The following PTGES3 variants were observed in gnomAD, a reference collection of about 807,000 sequenced individuals.
PTGES3 encodes the protein Hsp90 co-chaperone.
PTGES3 carries 5 observed loss-of-function variants against 29.9 expected under a neutral mutation model. The observed-to-expected ratio is 0.17, with a 90% CI of 0.09 to 0.35. PTGES3 has a LOEUF of 0.35. Among genes scored for constraint, PTGES3 ranks in the 10% least tolerant of loss-of-function variants. The pLI is 1.00. For missense variants in PTGES3, 128 were observed against 190.0 expected (o/e 0.67, Z 1.92); for synonymous variants, 49 against 57.8 (o/e 0.85, Z 0.69).
intron 5 of PTGES3, among the ~76,000 whole-genome samples, chr12:56,669,501 T>TCC (rs1198849731): frequency 6.6e-6 from 1 of 152,218 alleles, no homozygotes; most frequent in Non-Finnish European, 1.5e-5. Context: ...CAGGCTGGTC[T>TCC]TGAACTCCTG....
intron 5 of PTGES3, among the ~76,000 whole-genome samples, chr12:56,668,626 A>T (rs1285945962): frequency 6.6e-6 from 1 of 152,198 alleles, no homozygotes; most frequent in Admixed American, 6.6e-5. Context: ...TTAAAAAATA[A>T]TATGAATAGA....
At chr12:56,681,401 G>A (rs1210709187) in intron 1 of PTGES3, among the ~76,000 whole-genome samples, 2 of 151,858 alleles carry the variant, frequency 1.3e-5, no homozygotes, top group African/African-American at 4.8e-5. Context: ...AGCCGGATGA[G>A]GTGGCGGGAG....
intron 1 of PTGES3, among the ~76,000 whole-genome samples, chr12:56,685,399 CT>C (rs143526249): frequency 0.015 from 2,018 of 131,094 alleles, 37 homozygotes; most frequent in African/African-American, 0.056. Context: ...TTTTTCTTTT[CT>C]TTTTTTTTTT....
intron 1 of PTGES3, among the ~76,000 whole-genome samples, chr12:56,683,473 C>CAAAAAAAA (rs71081388): frequency 0.048 from 1,425 of 29,724 alleles, 407 homozygotes; most frequent in Non-Finnish European, 0.067. Flanking sequence ...AACTCTGTCT[C>CAAAAAAAA]AAAAAAAAAA....
intron 1 of PTGES3, chr12:56,687,003 G>A (rs1441098942): frequency 1.5e-5 from 1 of 66,544 alleles, no homozygotes; most frequent in African/African-American, 9.3e-5. Context: ...ATAACCTCCC[G>A]TCAAAAAAAA....
rs1211931407 is a variant in PTGES3 at position 56,675,642 on chromosome 12, G to C, written c.3-2577C>G. Reference sequence around the variant, plus strand: ...ACACATTAAAACTACAAACAGGGCCGAGTGCGGTGGCTCACGCCTGTAATC... The same window carrying C: ...ACACATTAAAACTACAAACAGGGCCCAGTGCGGTGGCTCACGCCTGTAATC... On this transcript the variant is annotated intron_variant, in intron 1 of 7. Coordinates refer to ENST00000262033, the MANE Select transcript of PTGES3 (RefSeq NM_006601.7). 3.9e-5 allele frequency among the ~76,000 whole-genome samples: 6 copies of C among 152,050 alleles called. No individual in the cohort carries two copies. The East Asian group carries it at 9.7e-4, about 25-fold the overall frequency.
rs1486201088 is a variant in PTGES3, at chr12:56,664,824, C to A, written c.439-24G>T. ...TCCTGAAAGAGGGAAAATAAAGTTACCGAGCTGATCAAATATTCGTTTGCT... is the reference window on the plus strand; with the variant it reads ...TCCTGAAAGAGGGAAAATAAAGTTAACGAGCTGATCAAATATTCGTTTGCT... On this transcript the variant is annotated intron_variant, in intron 6 of 7. Coordinates refer to ENST00000262033, the MANE Select transcript of PTGES3 (RefSeq NM_006601.7). 2.5e-6 allele frequency: 4 copies of A among 1,592,782 alleles called. No individual in the cohort carries two copies. The South Asian group carries it at 4.5e-5, about 18-fold the overall frequency.
intron 5 of PTGES3, among the ~76,000 whole-genome samples, chr12:56,669,722 G>A (rs977504324): frequency 6.6e-6 from 1 of 151,996 alleles, no homozygotes; most frequent in African/African-American, 2.4e-5. Context: ...AGCAATTCCC[G>A]TTTCAGCCTC....
intron 5 of PTGES3, 35 bp from the exon 6 acceptor site, chr12:56,666,301 T>C: frequency 6.3e-7 from 1 of 1,597,256 alleles, no homozygotes; most frequent in Non-Finnish European, 8.5e-7. Flanking sequence ...TTAAAAATGA[T>C]GTTAAGTTAG....
intron 1 of PTGES3, among the ~76,000 whole-genome samples, chr12:56,680,709 A>C (rs576701841): frequency 6.6e-6 from 1 of 151,224 alleles, no homozygotes; most frequent in Admixed American, 6.6e-5. Flanking sequence ...GAGGGAATAC[A>C]TATGTGTTTA....
intron 1 of PTGES3, among the ~76,000 whole-genome samples, chr12:56,685,621 C>T (rs1952803040): frequency 6.6e-6 from 1 of 151,444 alleles, no homozygotes; most frequent in South Asian, 2.1e-4. Context: ...AGGATGGTCT[C>T]GATCTCCTGA....
intron 1 of PTGES3, among the ~76,000 whole-genome samples, chr12:56,673,645 T>G (rs1480185238): frequency 6.6e-6 from 1 of 151,364 alleles, no homozygotes; most frequent in Non-Finnish European, 1.5e-5. Context: ...ATACAAAAAT[T>G]AGCCAGGCAC....
At position 56,673,892 on chromosome 12, in the gene PTGES3, C is replaced by A. The variant is rs189615797; in HGVS notation, c.3-827G>T. ...CTGAGGCACAAGAATCACTTGAACC[C>A]GGGAGGTGGAGGCTGCGGTGAGCTG... On this transcript the variant is annotated intron_variant, in intron 1 of 7. Transcript: ENST00000262033. Among the ~76,000 whole-genome samples, 54 of 151,722 alleles carry A rather than the reference C, an allele frequency of 3.6e-4. 1 individual carries two copies. The East Asian group carries it at 8.3e-3, about 23-fold the overall frequency.
chr12:56,677,946 G>C (rs1418470640), intron 1 of PTGES3, among the ~76,000 whole-genome samples: 1 of 152,102 alleles, frequency 6.6e-6, no homozygotes, highest in East Asian at 1.9e-4. Context: ...AGGACTAGCA[G>C]GTTTATTCAG....
At chr12:56,684,767 A>C (rs372151336) in intron 1 of PTGES3, among the ~76,000 whole-genome samples, 1 of 152,330 alleles carries the variant, frequency 6.6e-6, no homozygotes, top group African/African-American at 2.4e-5. Context: ...GAAGGTCCTA[A>C]AAATCCCAGC....
At chr12:56,670,145 G>A (rs1314004658) in intron 5 of PTGES3, 130 bp downstream of exon 5, 11 of 620,986 alleles carry the variant, frequency 1.8e-5, no homozygotes, top group Non-Finnish European at 2.9e-5. Context: ...TACTATGACT[G>A]CAAAATGGTC....
At chr12:56,665,155 T>A (rs1951737946) in intron 6 of PTGES3, 1 of 985,102 alleles carries the variant, frequency 1.0e-6, no homozygotes, top group Non-Finnish European at 1.2e-6. Context: ...AGCTGTTGAG[T>A]GAATATTAAG....
intron 1 of PTGES3, among the ~76,000 whole-genome samples, chr12:56,679,075 C>G (rs1952402398): frequency 6.6e-6 from 1 of 152,064 alleles, no homozygotes; most frequent in African/African-American, 2.4e-5. Flanking sequence ...CATGGTTGTA[C>G]CACTGCACTC....
At position 56,680,407 on chromosome 12, in the gene PTGES3, CAG is replaced by C. The variant is rs548018439; in HGVS notation, c.3-7344_3-7343del. ...CTTTCTTTTTTTTTTTTTGGGGGGACAGAGTTTCACTCTTGCTGCCCTGATTG... is the reference window on the plus strand; with the variant it reads ...CTTTCTTTTTTTTTTTTTGGGGGGACAGTTTCACTCTTGCTGCCCTGATTG... On this transcript the variant is annotated intron_variant, in intron 1 of 7. Transcript: ENST00000262033. Among the ~76,000 whole-genome samples, 58 of 150,310 alleles carry C rather than the reference CAG, an allele frequency of 3.9e-4. 2 individuals carry two copies. The East Asian group carries it at 0.011, about 28-fold the overall frequency.
Sources: allele counts gnomAD v4.1 joint callset (sites outside exome capture counted in the v4.1 genomes callset), GRCh38; gene constraint gnomAD v4.1.1; transcripts MANE v1.5; gene names NCBI Gene and HGNC (gene_info 2026-07-23, HGNC 2026-07-21).